ROBO2: variants seen among roughly 807,000 people sequenced by gnomAD.
ROBO2 encodes the protein roundabout homolog 2.
A neutral mutation model predicts 160.8 loss-of-function variants in ROBO2; 53 were observed. That is an observed-to-expected ratio of 0.33 (90% CI 0.26 to 0.41). ROBO2 has a LOEUF of 0.41. ROBO2 is among the 10% of genes least tolerant of loss of function. The pLI is 1.00. For synonymous variants in ROBO2, 664 were observed against 611.7 expected (o/e 1.09, Z -1.26); for missense variants, 1,577 against 1,722.4 (o/e 0.92, Z 1.49).
At chr3:75,992,325 G>T (rs595189) in intron 2 of ROBO2, among the ~76,000 whole-genome samples, 63,305 of 151,936 alleles carry the variant, frequency 0.42, 14,456 homozygotes, top group South Asian at 0.66. Context: ...CTAGGGACTT[G>T]GTGCCCTGTA....
intron 2 of ROBO2, among the ~76,000 whole-genome samples, chr3:76,381,092 A>T (rs2076598812): frequency 6.6e-6 from 1 of 151,874 alleles, no homozygotes; most frequent in South Asian, 2.1e-4. Context: ...GAAAGGATTT[A>T]AAAAAACAGA....
chr3:76,032,190 A>T (rs2066945430), intron 2 of ROBO2, among the ~76,000 whole-genome samples: 2 of 151,950 alleles, frequency 1.3e-5, no homozygotes, highest in Non-Finnish European at 1.5e-5. Context: ...TTTCTGTGGG[A>T]TCGGTGGTGA....
chr3:76,443,155 A>ACATT lies in ROBO2; in HGVS notation c.109+505556_109+505559dup, dbSNP rs2077006705. 2.6e-5 allele frequency among the ~76,000 whole-genome samples: 4 copies of ACATT among 151,944 alleles called. 1 individual carries two copies. The South Asian group carries it at 6.2e-4, about 24-fold the overall frequency. On this transcript the variant is annotated intron_variant, in intron 2 of 26. Transcript: ENST00000487694. The stretch of plus-strand genomic sequence containing the variant: ...TGGGGGAGGTGCCAGGATCATTTTA[A>ACATT]CATTCAGTTCTCACAGGAACTAATC...
intron 2 of ROBO2, among the ~76,000 whole-genome samples, chr3:76,109,017 C>T (rs569384679): frequency 4.3e-4 from 65 of 151,628 alleles, no homozygotes; most frequent in African/African-American, 1.2e-3. Flanking sequence ...TATCTTTTTT[C>T]GCAAGTAATA....
chr3:77,456,920 C>T (rs2081707736), intron 2 of ROBO2, among the ~76,000 whole-genome samples: 1 of 152,190 alleles, frequency 6.6e-6, no homozygotes, highest in African/African-American at 2.4e-5. Flanking sequence ...TGCATCTGAG[C>T]ACCAATTTCC....
intron 2 of ROBO2, among the ~76,000 whole-genome samples, chr3:77,468,141 A>G (rs970246164): frequency 1.3e-5 from 2 of 152,204 alleles, no homozygotes; most frequent in Admixed American, 1.3e-4. Context: ...AAGAAAAGGA[A>G]CTGATTAAAC....
At chr3:77,345,720 T>G (rs1185619834) in intron 2 of ROBO2, among the ~76,000 whole-genome samples, 1 of 152,178 alleles carries the variant, frequency 6.6e-6, no homozygotes, top group Non-Finnish European at 1.5e-5. Context: ...TAAATAACTT[T>G]GTAAATCAAA....
chr3:77,248,885 T>C (rs900636509), intron 2 of ROBO2, among the ~76,000 whole-genome samples: 2 of 152,104 alleles, frequency 1.3e-5, no homozygotes, highest in Admixed American at 6.5e-5. Flanking sequence ...AAGTCATTAC[T>C]TTTATTTTTT....
intron 14 of ROBO2, among the ~76,000 whole-genome samples, chr3:77,577,100 C>T (rs2093786932): frequency 6.6e-6 from 1 of 152,020 alleles, no homozygotes. Flanking sequence ...TTCTGACTTG[C>T]TCTTTGACTT....
intron 2 of ROBO2, among the ~76,000 whole-genome samples, chr3:77,465,288 T>C (rs2082658427): frequency 1.3e-5 from 2 of 152,166 alleles, no homozygotes; most frequent in African/African-American, 4.8e-5. Context: ...ATCTTATTTA[T>C]CAAGTTTGGT....
chr3:76,854,384 G>T (rs1427783014), intron 2 of ROBO2, among the ~76,000 whole-genome samples: 4 of 152,030 alleles, frequency 2.6e-5, no homozygotes, highest in Non-Finnish European at 5.9e-5. Flanking sequence ...GGAATTACTG[G>T]TTTAAATGGT....
intron 2 of ROBO2, among the ~76,000 whole-genome samples, chr3:76,310,916 C>G (rs1313010075): frequency 6.6e-6 from 1 of 152,208 alleles, no homozygotes; most frequent in African/African-American, 2.4e-5. Context: ...GCTGTCAGTA[C>G]AACTGCTTCT....
intron 1 of ROBO2, among the ~76,000 whole-genome samples, chr3:77,066,246 T>C (rs2066827910): frequency 6.6e-6 from 1 of 152,162 alleles, no homozygotes; most frequent in Admixed American, 6.6e-5. Flanking sequence ...TTATAAGTAC[T>C]TTCATTCAAT....
chr3:76,082,494 C>G (rs2068868563), intron 2 of ROBO2, among the ~76,000 whole-genome samples: 1 of 152,030 alleles, frequency 6.6e-6, no homozygotes, highest in Non-Finnish European at 1.5e-5. Context: ...ACATAATTGA[C>G]TCTTATCTGT....
Position 76,848,465 on chromosome 3 carries a change from G to A in ROBO2, c.110-249549G>A, listed in dbSNP as rs74775981. 5.3e-5 allele frequency among the ~76,000 whole-genome samples: 8 copies of A among 152,280 alleles called. No individual in the cohort carries two copies. In the East Asian group the frequency reaches 1.5e-3, roughly 29 times the overall value. On this transcript the variant is annotated intron_variant, in intron 2 of 26. Transcript: ENST00000487694. ...GAGATATGCACACTTGGCTGAGAAA[G>A]CACAGCTGGTACAAGTTTCAGAAAC...
intron 2 of ROBO2, among the ~76,000 whole-genome samples, chr3:77,427,979 G>A (rs1414906633): frequency 6.6e-6 from 1 of 152,092 alleles, no homozygotes; most frequent in African/African-American, 2.4e-5. Flanking sequence ...GAGCTGAGCT[G>A]GTTTTTCATT....
chr3:75,951,170 A>G (rs1412326768), intron 2 of ROBO2, among the ~76,000 whole-genome samples: 2 of 152,066 alleles, frequency 1.3e-5, no homozygotes, highest in African/African-American at 2.4e-5. Context: ...GCGTGTATCA[A>G]AACATCACAT....
chr3:77,093,324 G>T (rs1277971414), intron 1 of ROBO2, among the ~76,000 whole-genome samples: 22 of 152,080 alleles, frequency 1.4e-4, no homozygotes. Context: ...GCTGTTTCAT[G>T]GCACTTCCTG....
Position 77,096,646 on chromosome 3 carries a change from C to T in ROBO2, c.62-1368C>T, listed in dbSNP as rs187800486. Among the ~76,000 whole-genome samples, 809 of 152,032 alleles carry T rather than the reference C, an allele frequency of 5.3e-3. 6 individuals carry two copies. The highest frequency in any genetic ancestry group is 0.018 in the African/African-American group (752 of 41,468). On this transcript the variant is annotated intron_variant, in intron 1 of 25. Transcript: ENST00000461745. ...TACATTTTTAGTAGATATGAGGTTT[C>T]ACCATGTTGGGCAGGCTGGTCTCGA... is the stretch of plus-strand genomic sequence containing the variant.
Sources: gnomAD v4.1 joint callset for allele counts (sites outside exome capture counted in the v4.1 genomes callset) on GRCh38, gnomAD v4.1.1 for gene constraint, MANE v1.5 for transcripts, NCBI Gene and HGNC (gene_info 2026-07-23, HGNC 2026-07-21) for gene names.